The following TBC1D1 variants were observed in gnomAD, a reference collection of about 807,000 sequenced individuals.
TBC1D1 encodes the protein TBC1 (tre-2/USP6, BUB2, cdc16) domain family, member 1.
TBC1D1 carries 89 observed loss-of-function variants against 125.6 expected under a neutral mutation model. That is an observed-to-expected ratio of 0.71 (90% CI 0.60 to 0.85). The LOEUF is 0.85. Ranked by LOEUF, TBC1D1 falls within the 40% of genes least tolerant of loss-of-function variation. The pLI is 0.00. For missense variants in TBC1D1, 1,377 were observed against 1,469.2 expected, an observed-to-expected ratio of 0.94 and a Z score of 1.03; for synonymous variants, 565 against 564.1, an observed-to-expected ratio of 1.00 and a Z score of -0.02.
At chr4:38,088,906 T>G (rs79417479) in intron 12 of TBC1D1, among the ~76,000 whole-genome samples, 3,383 of 152,314 alleles carry the variant, frequency 0.022, 66 homozygotes, top group Middle Eastern at 0.048. Flanking sequence ...TTTCATAATA[T>G]GTATCAAATT....
intron 8 of TBC1D1, among the ~76,000 whole-genome samples, chr4:38,036,884 A>C (rs1319947873): frequency 6.6e-6 from 1 of 152,120 alleles, no homozygotes; most frequent in Admixed American, 6.6e-5. Context: ...GATAGCATTC[A>C]AGTTCTGTGT....
chr4:37,979,873 G>A (rs1214824540), intron 2 of TBC1D1, among the ~76,000 whole-genome samples: 2 of 152,144 alleles, frequency 1.3e-5, no homozygotes, highest in African/African-American at 4.8e-5. Flanking sequence ...TCTGGCTCCT[G>A]GGTTCAAGTG....
rs1021995683 is a variant in TBC1D1, at chr4:37,964,236, T to C, written c.418-50273T>C. On this transcript the variant is annotated intron_variant, in intron 2 of 19. Transcript: ENST00000261439. The stretch of plus-strand genomic sequence containing the variant: ...ATGCGAAATTACCACTTGATGAAAT[T>C]AGTTAAAGCAGCATTTGTTGGCACA... 1.3e-5 allele frequency among the ~76,000 whole-genome samples: 2 copies of C among 152,308 alleles called. 1 individual carries two copies. The highest frequency in any genetic ancestry group is 4.8e-5 in the African/African-American group (2 of 41,570).
chr4:37,977,540 T>C lies in TBC1D1; in HGVS notation c.418-36969T>C, dbSNP rs1160121737. ...AGCTGGGTGGCCAAGGTAGGCGGCG[T>C]CGGGCGGGCGCCCGTTACCGGAGCG... On this transcript the variant is annotated intron_variant, in intron 2 of 19. Coordinates refer to ENST00000261439, the MANE Select transcript of TBC1D1 (RefSeq NM_015173.4). This position sits in a 1 kb window ranked among gnomAD's most constrained non-coding sequence, Gnocchi z 4.3. The C allele has an allele frequency of 4.3e-6, 4 of 924,160 alleles. No homozygotes were observed. Among genetic ancestry groups the C allele is most frequent in the Non-Finnish European group, 5.2e-6 (4 of 763,312 alleles). The allele number at this position is 924,160 out of a possible 1,614,324, so 57.2% of individuals were successfully genotyped here. A position where few individuals can be genotyped will look rare whatever the true frequency, so the allele number is the denominator to read the frequency against.
At chr4:38,046,265 G>A (rs979387965) in intron 10 of TBC1D1, among the ~76,000 whole-genome samples, 8 of 151,874 alleles carry the variant, frequency 5.3e-5, no homozygotes, top group South Asian at 4.2e-4. Context: ...CCAGCTACTC[G>A]GGAGGCTGAG....
chr4:37,978,829 G>C (rs1000964487), intron 2 of TBC1D1, among the ~76,000 whole-genome samples: 7 of 152,220 alleles, frequency 4.6e-5, no homozygotes, highest in African/African-American at 1.7e-4. Flanking sequence ...AGTTTATATA[G>C]AGGAAATGTA....
intron 2 of TBC1D1, among the ~76,000 whole-genome samples, chr4:37,951,317 C>T (rs780475549): frequency 2.6e-5 from 4 of 152,158 alleles, no homozygotes; most frequent in African/African-American, 7.2e-5. Context: ...AGATTGGTCC[C>T]GAGCTGACAC....
chr4:38,005,049 C>T (rs759838368), intron 2 of TBC1D1, among the ~76,000 whole-genome samples: 26 of 152,104 alleles, frequency 1.7e-4, no homozygotes, highest in African/African-American at 3.6e-4. Flanking sequence ...CCATCTCCCC[C>T]GCCTTTCTGT....
At chr4:37,975,510 A>G (rs6856006) in intron 2 of TBC1D1, among the ~76,000 whole-genome samples, 14,344 of 152,202 alleles carry the variant, frequency 0.094, 869 homozygotes, top group Middle Eastern at 0.2. Flanking sequence ...CCCCCGGGGA[A>G]AGGGAGACTC....
At chr4:37,963,275 C>A (rs1730395651) in intron 2 of TBC1D1, among the ~76,000 whole-genome samples, 1 of 152,160 alleles carries the variant, frequency 6.6e-6, no homozygotes, top group African/African-American at 2.4e-5. Context: ...GTACAGGAGG[C>A]ATGGCAGTGG....
At position 37,957,794 on chromosome 4, in the gene TBC1D1, A is replaced by T. The variant is rs559049108; in HGVS notation, c.417+55282A>T. Among the ~76,000 whole-genome samples the T allele has an allele frequency of 5.9e-5, 9 of 152,298 alleles. No homozygotes were observed. In the South Asian group the frequency reaches 8.3e-4, roughly 14 times the overall value. ...TACTTTTTAAAAGGTCAATTCTGAC[A>T]TGTGATTTACATTTCCTGACAAACT... On this transcript the variant is annotated intron_variant, in intron 2 of 19. Coordinates refer to ENST00000261439, the MANE Select transcript of TBC1D1 (RefSeq NM_015173.4).
intron 12 of TBC1D1, among the ~76,000 whole-genome samples, chr4:38,083,898 A>G (rs1055305641): frequency 1.3e-5 from 2 of 150,514 alleles, no homozygotes; most frequent in African/African-American, 4.9e-5. Flanking sequence ...TGAGGCAACA[A>G]CTTAACAGTA....
intron 2 of TBC1D1, among the ~76,000 whole-genome samples, chr4:37,940,483 A>G (rs898098256): frequency 2.6e-5 from 4 of 152,248 alleles, no homozygotes; most frequent in East Asian, 3.9e-4. Context: ...GGACAATTTG[A>G]TTTCCTCTTT....
At chr4:37,916,357 T>TAC (rs1719733294) in intron 2 of TBC1D1, among the ~76,000 whole-genome samples, 1 of 148,364 alleles carries the variant, frequency 6.7e-6, no homozygotes, top group South Asian at 2.2e-4. Flanking sequence ...TGTGTATATA[T>TAC]ACATATATAT....
chr4:38,074,852 C>T lies in TBC1D1; in HGVS notation c.2051-15080C>T, dbSNP rs1379178091. 3.3e-5 allele frequency among the ~76,000 whole-genome samples: 5 copies of T among 151,964 alleles called. No homozygotes were observed. In the East Asian group the frequency reaches 9.7e-4, roughly 29 times the overall value. On this transcript the variant is annotated intron_variant, in intron 12 of 19. Transcript: ENST00000261439. ...TCTTGGCTCGCTGCAACCTCTGCCT[C>T]CGGGTTCAAATGATTCTCCTGCCTC...
intron 15 of TBC1D1, among the ~76,000 whole-genome samples, chr4:38,113,549 A>G (rs1448945267): frequency 6.6e-6 from 1 of 152,232 alleles, no homozygotes; most frequent in Non-Finnish European, 1.5e-5. Context: ...TGACTCCTGC[A>G]TATTCTGCTA....
chr4:38,112,078 T>C (rs1762286446), intron 15 of TBC1D1: 1 of 985,350 alleles, frequency 1.0e-6, no homozygotes, highest in East Asian at 1.1e-4. Flanking sequence ...TGAAACTGCA[T>C]CCTGGAAGCC....
At chr4:37,967,859 G>A (rs555331127) in intron 2 of TBC1D1, among the ~76,000 whole-genome samples, 20 of 152,260 alleles carry the variant, frequency 1.3e-4, no homozygotes, top group Admixed American at 2.0e-4. Flanking sequence ...TGTGGGTGTC[G>A]AAATCTTGAC....
intron 6 of TBC1D1, among the ~76,000 whole-genome samples, chr4:38,023,581 C>G (rs1247889974): frequency 6.6e-6 from 1 of 152,190 alleles, no homozygotes; most frequent in Non-Finnish European, 1.5e-5. Context: ...CTTCTTGTTT[C>G]TGGTTTATTT....
Sources: gnomAD v4.1 joint callset for allele counts (sites outside exome capture counted in the v4.1 genomes callset) on GRCh38, gnomAD v4.1.1 for gene constraint, Gnocchi (gnomAD v3.1) non-coding constraint, MANE v1.5 for transcripts, NCBI Gene and HGNC (gene_info 2026-07-23, HGNC 2026-07-21) for gene names.